The following CNKSR2 variants were observed in gnomAD, a reference collection of about 807,000 sequenced individuals.
CNKSR2 encodes the protein connector enhancer of kinase suppressor of Ras 2, also known as CNK homolog protein 2.
Under a neutral mutation model 84.4 loss-of-function variants are expected in CNKSR2, and 14 were observed. The ratio of observed to expected loss-of-function variants is 0.17; its 90% CI spans 0.11 to 0.26. CNKSR2 has a LOEUF of 0.26. Among genes scored for constraint, CNKSR2 ranks in the 10% least tolerant of loss-of-function variants. The pLI is 1.00. For missense variants in CNKSR2, 485 were observed against 771.2 expected (o/e 0.63, Z 4.40); for synonymous variants, 275 against 277.9 (o/e 0.99, Z 0.10).
intron 20 of CNKSR2, among the ~76,000 whole-genome samples, chrX:21,640,652 T>C (rs73453525): frequency 0.035 from 3,886 of 111,667 alleles, 167 homozygotes; most frequent in African/African-American, 0.12. Flanking sequence ...GTTCCTTCTT[T>C]TCTCAATATG....
chrX:21,613,844 C>T (rs1319510314), intron 20 of CNKSR2, among the ~76,000 whole-genome samples: 1 of 107,570 alleles, frequency 9.3e-6, no homozygotes, highest in Non-Finnish European at 1.9e-5. Context: ...GTGGCTGAGA[C>T]GGGAGAATTG....
At chrX:21,500,464 A>G (rs2091548029) in intron 7 of CNKSR2, among the ~76,000 whole-genome samples, 1 of 111,371 alleles carries the variant, frequency 9.0e-6, no homozygotes, top group Non-Finnish European at 1.9e-5. Context: ...GATAATAACG[A>G]AGAGTATCAC....
intron 14 of CNKSR2, 103 bp downstream of exon 14, chrX:21,590,723 A>G: frequency 1.1e-5 from 9 of 836,147 alleles, no homozygotes; most frequent in Non-Finnish European, 1.4e-5. Flanking sequence ...AGTGTGGTTT[A>G]GAAGAGCACA....
Position 21,516,783 on chromosome X carries a change from C to CTAA in CNKSR2, c.957+155_957+157dup, listed in dbSNP as rs2091731489. On this transcript the variant is annotated intron_variant, in intron 9 of 21. Coordinates refer to ENST00000379510, the MANE Select transcript of CNKSR2 (RefSeq NM_014927.5). ...GTGAAATGATCTCTTCACAGCTATT[C>CTAA]TAATAGGCTTAATTGTGATGAAATC... 4 of 425,372 alleles carry CTAA rather than the reference C, an allele frequency of 9.4e-6. No homozygotes were observed. In the East Asian group the frequency reaches 1.7e-4, roughly 19 times the overall value. 35.1% of individuals were successfully genotyped at this position (425,372 alleles called of 1,213,427 possible).
intron 5 of CNKSR2, among the ~76,000 whole-genome samples, chrX:21,477,144 T>A (rs759625797): frequency 8.1e-5 from 9 of 111,672 alleles, no homozygotes; most frequent in Non-Finnish European, 1.7e-4. Context: ...ATTAAACTCA[T>A]GGAAATCCCA....
intron 1 of CNKSR2, chrX:21,422,293 A>G (rs1038143804): frequency 2.7e-5 from 3 of 111,372 alleles, no homozygotes; most frequent in Non-Finnish European, 5.7e-5. Flanking sequence ...CAGCTACTGC[A>G]TGGGTTTCCC....
intron 1 of CNKSR2, among the ~76,000 whole-genome samples, chrX:21,414,966 A>G (rs1268549317): frequency 9.0e-6 from 1 of 111,385 alleles, no homozygotes; most frequent in Non-Finnish European, 1.9e-5. Flanking sequence ...CAGTAGTATA[A>G]TTTGAAGTCA....
chrX:21,594,656 G>T (rs1013746391), intron 15 of CNKSR2: 1 of 144,348 alleles, frequency 6.9e-6, no homozygotes, highest in Non-Finnish European at 1.3e-5. Flanking sequence ...TTATAGAAGT[G>T]TATGTATGTT....
intron 20 of CNKSR2, among the ~76,000 whole-genome samples, chrX:21,620,024 A>G (rs1196642790): frequency 9.1e-6 from 1 of 110,324 alleles, no homozygotes; most frequent in Non-Finnish European, 1.9e-5. Context: ...CTCTTTATTT[A>G]GCATCTTGGG....
chrX:21,512,308 G>A (rs1225540656), intron 8 of CNKSR2, among the ~76,000 whole-genome samples: 1 of 111,079 alleles, frequency 9.0e-6, no homozygotes, highest in Non-Finnish European at 1.9e-5. Flanking sequence ...CCCCACTCCA[G>A]AACTACTGGA....
At chrX:21,432,141 G>A (rs2090642427) in intron 2 of CNKSR2, among the ~76,000 whole-genome samples, 2 of 110,646 alleles carry the variant, frequency 1.8e-5, no homozygotes, top group Non-Finnish European at 3.8e-5. Context: ...TTTATTTCTT[G>A]CTTTTTCATT....
At chrX:21,517,776 A>G (rs138953824) in intron 9 of CNKSR2, among the ~76,000 whole-genome samples, 2,973 of 111,485 alleles carry the variant, frequency 0.027, 46 homozygotes, top group Non-Finnish European at 0.04. Flanking sequence ...TCATATTAAA[A>G]AGGAAAGCAG....
At chrX:21,635,171 T>C (rs1349223783) in intron 20 of CNKSR2, among the ~76,000 whole-genome samples, 1 of 109,366 alleles carries the variant, frequency 9.1e-6, no homozygotes, top group East Asian at 2.9e-4. Context: ...TTGATTCTTA[T>C]GCTAAAAATC....
chrX:21,428,979 T>C (rs1226867892), intron 2 of CNKSR2: 2 of 112,394 alleles, frequency 1.8e-5, no homozygotes, highest in South Asian at 7.3e-4. Flanking sequence ...CTGAATAAAA[T>C]GGCATTGACA....
At chrX:21,439,091 A>T (rs753739619) in intron 3 of CNKSR2, among the ~76,000 whole-genome samples, 1 of 111,716 alleles carries the variant, frequency 9.0e-6, no homozygotes, top group South Asian at 3.7e-4. Context: ...ATGTTTTGAC[A>T]TTTTTAGAGC....
intron 1 of CNKSR2, among the ~76,000 whole-genome samples, chrX:21,398,120 A>G (rs1448830827): frequency 8.9e-6 from 1 of 111,912 alleles, no homozygotes; most frequent in Non-Finnish European, 1.9e-5. Flanking sequence ...ATATTTGTTT[A>G]AAATGAGAGT....
chrX:21,642,124 G>A (rs2092693671), intron 20 of CNKSR2: 4 of 746,119 alleles, frequency 5.4e-6, no homozygotes, highest in South Asian at 1.4e-4. Context: ...GTGCTGTATT[G>A]TACTAAATTA....
chrX:21,572,572 G>T (rs956895309), intron 13 of CNKSR2, among the ~76,000 whole-genome samples: 1 of 111,277 alleles, frequency 9.0e-6, no homozygotes, highest in East Asian at 2.8e-4. Flanking sequence ...TTACAATCAC[G>T]GCAGAAGAGG....
chrX:21,600,365 G>A (rs1448932723), intron 17 of CNKSR2, among the ~76,000 whole-genome samples: 3 of 111,936 alleles, frequency 2.7e-5, no homozygotes, highest in Non-Finnish European at 5.6e-5. Flanking sequence ...ACAACTTAAT[G>A]ACATTAACCA....
Sources: allele counts gnomAD v4.1 joint callset (sites outside exome capture counted in the v4.1 genomes callset), GRCh38; gene constraint gnomAD v4.1.1; transcripts MANE v1.5; gene names NCBI Gene and HGNC (gene_info 2026-07-23, HGNC 2026-07-21).